The following RIMS1 variants were observed in gnomAD, a reference collection of about 807,000 sequenced individuals.
The protein encoded by RIMS1 is regulating synaptic membrane exocytosis protein 1.
A neutral mutation model predicts 214.1 loss-of-function variants in RIMS1; 83 were observed. The ratio of observed to expected loss-of-function variants is 0.39; its 90% CI spans 0.32 to 0.47. The LOEUF (loss-of-function observed/expected upper bound fraction) is 0.47. Among genes scored for constraint, RIMS1 ranks in the 20% least tolerant of loss-of-function variants. The pLI is 0.99. For synonymous variants in RIMS1, 793 were observed against 786.8 expected (o/e 1.01, Z -0.13); for missense variants, 2,050 against 2,161.8 (o/e 0.95, Z 1.03).
At chr6:72,041,951 C>T (rs574328926) in intron 2 of RIMS1, among the ~76,000 whole-genome samples, 6 of 151,968 alleles carry the variant, frequency 3.9e-5, no homozygotes, top group South Asian at 4.1e-4. Context: ...ACTGACCTAA[C>T]GCCAGACTCC....
At chr6:72,291,065 A>G (rs1416458400) in intron 25 of RIMS1, among the ~76,000 whole-genome samples, 2 of 152,162 alleles carry the variant, frequency 1.3e-5, no homozygotes, top group African/African-American at 2.4e-5. Flanking sequence ...GTTTCTGCCA[A>G]TTAGCTCTCA....
At chr6:72,162,107 C>G (rs1430653192) in intron 4 of RIMS1, among the ~76,000 whole-genome samples, 1 of 140,976 alleles carries the variant, frequency 7.1e-6, no homozygotes, top group African/African-American at 2.5e-5. Flanking sequence ...ATAGTTAGCT[C>G]TTCTTGTTGA....
rs568131847 is a variant in RIMS1, at chr6:72,068,287, C to CT, written c.246-28654dup. On this transcript the variant is annotated intron_variant, in intron 2 of 33. Coordinates refer to ENST00000521978, the MANE Select transcript of RIMS1 (RefSeq NM_014989.7). The stretch of plus-strand genomic sequence containing the variant: ...TTCTTTTTTCTGTTAACCTTTGTAG[C>CT]TTTTTTTTATTGATTTTCAGTTTAC... 1.5e-3 allele frequency among the ~76,000 whole-genome samples: 227 copies of CT among 152,130 alleles called. 1 individual carries two copies. Among genetic ancestry groups the CT allele is most frequent in the African/African-American group, 4.9e-3 (203 of 41,526 alleles).
rs149283004 is a variant in RIMS1, at chr6:72,223,029, G to A, written c.1679-10744G>A. On this transcript the variant is annotated intron_variant, in intron 6 of 33. Transcript: ENST00000521978. ...AATAATTATTGCTGTCAATGTGCTT[G>A]TTTGAACAAACCATTTTCCCATTTA... Among the ~76,000 whole-genome samples the A allele has an allele frequency of 4.7e-4, 71 of 152,270 alleles. 1 individual carries two copies. In the East Asian group the frequency reaches 0.013, roughly 28 times the overall value.
At chr6:72,067,131 A>G (rs1829510417) in intron 2 of RIMS1, among the ~76,000 whole-genome samples, 1 of 152,194 alleles carries the variant, frequency 6.6e-6, no homozygotes, top group Non-Finnish European at 1.5e-5. Context: ...CTGCCCCTAG[A>G]AAAAGCCAGA....
intron 22 of RIMS1, among the ~76,000 whole-genome samples, chr6:72,266,782 T>C (rs1372058374): frequency 2.0e-5 from 3 of 152,156 alleles, no homozygotes; most frequent in Admixed American, 2.0e-4. Context: ...AGTTATAATT[T>C]TAATAGACTT....
At chr6:72,008,294 G>C (rs956514884) in intron 2 of RIMS1, among the ~76,000 whole-genome samples, 2 of 152,168 alleles carry the variant, frequency 1.3e-5, no homozygotes, top group African/African-American at 4.8e-5. Flanking sequence ...GTCACCACCA[G>C]GCCTGCCTTA....
In RIMS1 at chr6:72,377,006, T is replaced by A. The variant is rs190795149; in HGVS notation, c.4367-13592T>A. Among the ~76,000 whole-genome samples the A allele has an allele frequency of 9.2e-5, 14 of 152,348 alleles. No individual in the cohort carries two copies. In the East Asian group the frequency reaches 1.7e-3, roughly 19 times the overall value. On this transcript the variant is annotated intron_variant, in intron 29 of 33. Transcript: ENST00000521978. ...AGCAATAAATGGAAGTACACATTCATATATGCCATTTAAAAGTTATAAACC... is the reference window on the plus strand; with the variant it reads ...AGCAATAAATGGAAGTACACATTCAAATATGCCATTTAAAAGTTATAAACC...
At chr6:72,252,946 A>C (rs770652437) in intron 16 of RIMS1, 114 bp downstream of exon 16, 3 of 724,364 alleles carry the variant, frequency 4.1e-6, no homozygotes, top group African/African-American at 1.8e-5. Flanking sequence ...CAGAGAAATC[A>C]GTATTATATT....
At chr6:71,922,044 G>A (rs6931045) in intron 1 of RIMS1, among the ~76,000 whole-genome samples, 63,622 of 151,922 alleles carry the variant, frequency 0.42, 14,001 homozygotes, top group African/African-American at 0.55. Flanking sequence ...TACTCACCCA[G>A]CTTCGGTCTA....
At position 72,393,625 on chromosome 6, in the gene RIMS1, G is replaced by T. The variant is rs559766620; in HGVS notation, c.4618+815G>T. On this transcript the variant is annotated intron_variant, in intron 31 of 33. Transcript: ENST00000521978. Reference sequence around the variant, plus strand: ...ACCTGTAGTCCCAGCTACTCGGGAGGCTGAGGCAGGAGAATGGCGTGAACC... The same window carrying T: ...ACCTGTAGTCCCAGCTACTCGGGAGTCTGAGGCAGGAGAATGGCGTGAACC... Among the ~76,000 whole-genome samples the T allele has an allele frequency of 8.5e-5, 13 of 152,178 alleles. No individual in the cohort carries two copies. The South Asian group carries it at 2.5e-3, about 29-fold the overall frequency.
Position 71,995,451 on chromosome 6 carries a change from C to CGTGTGTGTGT in RIMS1, c.245+26411_245+26420dup, listed in dbSNP as rs59174738. Among the ~76,000 whole-genome samples, 531 of 144,494 alleles carry CGTGTGTGTGT rather than the reference C, an allele frequency of 3.7e-3. 5 individuals carry two copies. Among genetic ancestry groups the CGTGTGTGTGT allele is most frequent in the Admixed American group, 5.8e-3 (84 of 14,412 alleles). The allele number at this position is 144,494 out of a possible 152,430, so 94.8% of individuals were successfully genotyped here. On this transcript the variant is annotated intron_variant, in intron 2 of 33. Transcript: ENST00000521978. ...CTGATTATTTTAATCTGTAATATGA[C>CGTGTGTGTGT]GTGTGTGTGTGTGTGTGTGTGTGTG...
chr6:72,218,518 A>G (rs2154028544), intron 6 of RIMS1, among the ~76,000 whole-genome samples: 1 of 152,294 alleles, frequency 6.6e-6, no homozygotes, highest in East Asian at 1.9e-4. Flanking sequence ...CCTACCAAAT[A>G]CTAGTTAATG....
chr6:72,123,076 GTA>G (rs2038756533), intron 4 of RIMS1, among the ~76,000 whole-genome samples: 1 of 151,556 alleles, frequency 6.6e-6, no homozygotes, highest in Non-Finnish European at 1.5e-5. Context: ...GGTGTCAATT[GTA>G]GATCTTTCCC....
At chr6:72,291,655 A>G (rs1041750510) in intron 25 of RIMS1, among the ~76,000 whole-genome samples, 2 of 152,222 alleles carry the variant, frequency 1.3e-5, no homozygotes, top group Non-Finnish European at 2.9e-5. Context: ...GCCCAGGTAG[A>G]ACAACTTAAT....
intron 22 of RIMS1, among the ~76,000 whole-genome samples, chr6:72,268,283 A>G (rs1484577663): frequency 6.6e-6 from 1 of 152,094 alleles, no homozygotes; most frequent in East Asian, 1.9e-4. Flanking sequence ...ATGAGAAGGG[A>G]GGCTTAGAGG....
chr6:71,998,965 A>C (rs1297563101), intron 2 of RIMS1, among the ~76,000 whole-genome samples: 1 of 151,794 alleles, frequency 6.6e-6, no homozygotes, highest in East Asian at 1.9e-4. Context: ...CCTTTTTCTC[A>C]TTTATTTTTA....
chr6:72,068,377 G>A (rs1054488730), intron 2 of RIMS1, among the ~76,000 whole-genome samples: 5 of 151,832 alleles, frequency 3.3e-5, no homozygotes, highest in African/African-American at 1.2e-4. Context: ...AAAAATCATC[G>A]TGCTTAAGCA....
chr6:71,924,028 A>G (rs1461382423), intron 1 of RIMS1, among the ~76,000 whole-genome samples: 1 of 152,116 alleles, frequency 6.6e-6, no homozygotes, highest in East Asian at 1.9e-4. Context: ...TTTCCTTGCC[A>G]TTGTATTCTT....
Sources: gnomAD v4.1 joint callset for allele counts (sites outside exome capture counted in the v4.1 genomes callset) on GRCh38, gnomAD v4.1.1 for gene constraint, MANE v1.5 for transcripts, NCBI Gene and HGNC (gene_info 2026-07-23, HGNC 2026-07-21) for gene names.